Variants in ATF6 observed in about 807,000 individuals in gnomAD.
ATF6 encodes the protein cyclic AMP-dependent transcription factor ATF-6 alpha.
Under a neutral mutation model 83.6 loss-of-function variants are expected in ATF6, and 53 were observed. The observed-to-expected ratio is 0.63, with a 90% CI of 0.51 to 0.80. ATF6 has a LOEUF of 0.80. Ranked by LOEUF, ATF6 falls within the 30% of genes least tolerant of loss-of-function variation. The pLI, the probability that ATF6 is intolerant of heterozygous loss-of-function variation, is 0.00. For missense variants in ATF6, 744 were observed against 797.9 expected (o/e 0.93, Z 0.81); for synonymous variants, 288 against 285.8 (o/e 1.01, Z -0.08).
chr1:161,864,596 A>G (rs1686951546), intron 14 of ATF6, among the ~76,000 whole-genome samples: 1 of 152,238 alleles, frequency 6.6e-6, no homozygotes, highest in African/African-American at 2.4e-5. Flanking sequence ...GGGAGATCAA[A>G]CATCTTATAT....
At chr1:161,884,108 A>G (rs1687371912) in intron 14 of ATF6, among the ~76,000 whole-genome samples, 1 of 152,078 alleles carries the variant, frequency 6.6e-6, no homozygotes, top group Non-Finnish European at 1.5e-5. Context: ...TTTTGTATTC[A>G]GCTTAGATTA....
Position 161,863,234 on chromosome 1 carries a change from T to G in ATF6, c.1641T>G (p.Ala547=). ...GGAGTGAGCTACAAGTGTATTATGC[T>G]TCACCCAGAAGTTATCAAGACTTTT... is the stretch of plus-strand genomic sequence containing the variant. ...NSGSELQVYY[A]SPRSYQDFFE... Residue 547 remains alanine, a synonymous_variant, in exon 14 of 16, where the codon GCT becomes GCG. Transcript: ENST00000367942. 6.2e-7 allele frequency: 1 copy of G among 1,612,372 alleles called. No homozygotes were observed. The highest frequency in any genetic ancestry group is 8.5e-7 in the Non-Finnish European group (1 of 1,178,600).
At position 161,909,328 on chromosome 1, in the gene ATF6, T is replaced by A. The variant is rs372198792; in HGVS notation, c.1720-2968T>A. The stretch of plus-strand genomic sequence containing the variant: ...GAGAAAGGGAAGGAGGAGGGAAGCC[T>A]TCCACCATTACCACCTTGAAGAAGT... On this transcript the variant is annotated intron_variant, in intron 14 of 15. Transcript: ENST00000367942. 2.1e-4 allele frequency among the ~76,000 whole-genome samples: 32 copies of A among 152,298 alleles called. 2 individuals carry two copies. In the East Asian group the frequency reaches 3.3e-3, roughly 16 times the overall value.
intron 3 of ATF6, among the ~76,000 whole-genome samples, chr1:161,782,610 G>C (rs149339531): frequency 6.6e-6 from 1 of 152,112 alleles, no homozygotes; most frequent in Non-Finnish European, 1.5e-5. Context: ...TTATATCACC[G>C]ATTATAGAAA....
At chr1:161,811,718 A>G (rs1189263671) in intron 7 of ATF6, among the ~76,000 whole-genome samples, 1 of 149,176 alleles carries the variant, frequency 6.7e-6, no homozygotes, top group South Asian at 2.2e-4. Flanking sequence ...TCCATCCACT[A>G]TCCATCCATC....
intron 6 of ATF6, among the ~76,000 whole-genome samples, chr1:161,795,460 G>A (rs1684993306): frequency 6.6e-6 from 1 of 152,150 alleles, no homozygotes; most frequent in African/African-American, 2.4e-5. Flanking sequence ...CCATTTTTTA[G>A]ATGAGAACGC....
intron 9 of ATF6, among the ~76,000 whole-genome samples, chr1:161,832,343 G>C (rs867832361): frequency 6.6e-6 from 1 of 152,204 alleles, no homozygotes; most frequent in Non-Finnish European, 1.5e-5. Flanking sequence ...GCAGAAGATG[G>C]GTGATTTCTG....
At chr1:161,772,366 ACCAATCATATTTCC>A in intron 1 of ATF6, among the ~76,000 whole-genome samples, 1 of 152,204 alleles carries the variant, frequency 6.6e-6, no homozygotes, top group East Asian at 1.9e-4. Flanking sequence ...GTGTTGCCAG[ACCAATCATATTTCC>A]CTGGTCCTCT....
chr1:161,955,119 C>T (rs1166707318), intron 15 of ATF6, among the ~76,000 whole-genome samples: 1 of 152,172 alleles, frequency 6.6e-6, no homozygotes, highest in African/African-American at 2.4e-5. Flanking sequence ...GATTTTACTG[C>T]TTTCTCTTTA....
chr1:161,837,329 T>G (rs1374358191), intron 9 of ATF6, among the ~76,000 whole-genome samples: 1 of 152,232 alleles, frequency 6.6e-6, no homozygotes, highest in Non-Finnish European at 1.5e-5. Flanking sequence ...GAAACATAAT[T>G]TTAAGTGTCA....
intron 14 of ATF6, among the ~76,000 whole-genome samples, chr1:161,903,501 A>G (rs1687828705): frequency 6.6e-6 from 1 of 152,168 alleles, no homozygotes; most frequent in Admixed American, 6.5e-5. Context: ...TATGTGGTTG[A>G]GGGAATAAAC....
chr1:161,821,074 A>G lies in ATF6; in HGVS notation c.1100A>G (p.Gln367Arg), dbSNP rs1171105156. 2 of 1,605,324 alleles carry G rather than the reference A, an allele frequency of 1.2e-6. No individual in the cohort carries two copies. The highest frequency in any genetic ancestry group is 2.2e-5 in the East Asian group (1 of 44,748). Residue 367 changes from glutamine (Q) to arginine (R), a missense_variant, in exon 9 of 16, where the codon CAG becomes CGG. By Grantham distance (43) the Gln-to-Arg change is conservative (BLOSUM62 1). Transcript: ENST00000367942. ...RQLDEVVSEN[Q>R]RLKVPSPKRR... The stretch of plus-strand genomic sequence containing the variant: ...TAATGTGGTCATTTCCTTTAGAACC[A>G]GAGGCTTAAAGTCCCTAGTCCAAAG...
At chr1:161,854,975 A>G (rs1354880664) in intron 12 of ATF6, among the ~76,000 whole-genome samples, 1 of 152,090 alleles carries the variant, frequency 6.6e-6, no homozygotes, top group East Asian at 1.9e-4. Context: ...GCTGAGTACG[A>G]CTGGAATGCA....
intron 9 of ATF6, among the ~76,000 whole-genome samples, chr1:161,829,525 C>T (rs1440237703): frequency 6.6e-6 from 1 of 152,100 alleles, no homozygotes; most frequent in African/African-American, 2.4e-5. Flanking sequence ...AGACCAATAT[C>T]CCTGATGAAC....
At chr1:161,904,985 G>A (rs1323124836) in intron 14 of ATF6, among the ~76,000 whole-genome samples, 1 of 152,140 alleles carries the variant, frequency 6.6e-6, no homozygotes, top group East Asian at 1.9e-4. Flanking sequence ...ATGTGCTTTA[G>A]GGGCATTTTA....
At chr1:161,921,039 T>C (rs1688204675) in intron 15 of ATF6, among the ~76,000 whole-genome samples, 3 of 151,954 alleles carry the variant, frequency 2.0e-5, no homozygotes, top group Non-Finnish European at 2.9e-5. Context: ...CCATCCGTTG[T>C]TTTTTGTTTG....
intron 15 of ATF6, among the ~76,000 whole-genome samples, chr1:161,922,734 G>C (rs1333042086): frequency 6.6e-6 from 1 of 151,988 alleles, no homozygotes; most frequent in Admixed American, 6.6e-5. Context: ...AGGCTGGAAA[G>C]AATGTGTTCG....
chr1:161,947,810 C>CTTTTTTTTTTTTTTTTTTTTTTT (rs10524670), intron 15 of ATF6, among the ~76,000 whole-genome samples: 2 of 57,548 alleles, frequency 3.5e-5, no homozygotes, highest in African/African-American at 8.5e-5. Flanking sequence ...TAAGCCACGC[C>CTTTTTTTTTTTTTTTTTTTTTTT]TTTTTTTTTT....
At chr1:161,777,030 A>G (rs1684531261) in intron 1 of ATF6, among the ~76,000 whole-genome samples, 1 of 152,348 alleles carries the variant, frequency 6.6e-6, no homozygotes, top group East Asian at 1.9e-4. Flanking sequence ...TGCTTCAGTT[A>G]AAATGAAAGG....
Sources: allele counts gnomAD v4.1 joint callset (sites outside exome capture counted in the v4.1 genomes callset), GRCh38; gene constraint gnomAD v4.1.1; transcripts MANE v1.5; gene names NCBI Gene and HGNC (gene_info 2026-07-23, HGNC 2026-07-21).